The following ZNRF1 variants were observed in gnomAD, a reference collection of about 807,000 sequenced individuals.
The protein encoded by ZNRF1 is E3 ubiquitin-protein ligase ZNRF1.
A neutral mutation model predicts 18.4 loss-of-function variants in ZNRF1; 3 were observed. The ratio of observed to expected loss-of-function variants is 0.16; its 90% CI spans 0.07 to 0.42. The LOEUF is 0.42. ZNRF1 is among the 10% of genes least tolerant of loss of function. The probability of loss-of-function intolerance (pLI) is 0.99; values close to 1 mark genes in which losing one functional copy is unlikely to be tolerated. For synonymous variants in ZNRF1, 157 were observed against 144.2 expected, an observed-to-expected ratio of 1.09 and a Z score of -0.64; for missense variants, 310 against 329.8, an observed-to-expected ratio of 0.94 and a Z score of 0.47.
intron 1 of ZNRF1, among the ~76,000 whole-genome samples, chr16:75,019,816 T>C (rs1250800696): frequency 6.6e-6 from 1 of 152,008 alleles, no homozygotes; most frequent in African/African-American, 2.4e-5. Context: ...CCTCAAACTC[T>C]TGGACTCAAG....
At chr16:75,040,042 C>CTTTTTTTTTTTTTTTTTTTTTTTTTTTT (rs57122648) in intron 1 of ZNRF1, among the ~76,000 whole-genome samples, 2 of 78,890 alleles carry the variant, frequency 2.5e-5, no homozygotes, top group African/African-American at 1.1e-4. Flanking sequence ...TCTTTTCTTT[C>CTTTTTTTTTTTTTTTTTTTTTTTTTTTT]TTTTTTTTTT....
intron 2 of ZNRF1, chr16:75,095,745 G>A (rs770700765): frequency 1.6e-5 from 25 of 1,526,330 alleles, no homozygotes; most frequent in South Asian, 1.5e-4. Flanking sequence ...GTGGAGAACC[G>A]GGAAGGTGAG....
intron 1 of ZNRF1, among the ~76,000 whole-genome samples, chr16:75,038,275 G>A (rs749363597): frequency 8.5e-5 from 13 of 152,194 alleles, no homozygotes; most frequent in African/African-American, 1.2e-4. Context: ...GACTGGAATG[G>A]CTAAGATGGC....
At chr16:75,020,286 C>G (rs1420631049) in intron 1 of ZNRF1, among the ~76,000 whole-genome samples, 12 of 151,900 alleles carry the variant, frequency 7.9e-5, no homozygotes, top group African/African-American at 2.7e-4. Context: ...TCTCTATGTC[C>G]TAATGTCTTA....
At chr16:75,047,868 T>G (rs994502483) in intron 1 of ZNRF1, among the ~76,000 whole-genome samples, 3 of 152,134 alleles carry the variant, frequency 2.0e-5, no homozygotes, top group Non-Finnish European at 4.4e-5. Flanking sequence ...TTCTGAGGCC[T>G]CTTTCCTTGG....
intron 1 of ZNRF1, among the ~76,000 whole-genome samples, chr16:75,069,679 T>C (rs897022206): frequency 6.6e-6 from 1 of 152,226 alleles, no homozygotes; most frequent in African/African-American, 2.4e-5. Context: ...CCCAAAGTGC[T>C]GGGATTACAG....
chr16:75,048,992 T>C (rs2035553348), intron 1 of ZNRF1, among the ~76,000 whole-genome samples: 1 of 151,976 alleles, frequency 6.6e-6, no homozygotes, highest in Admixed American at 6.6e-5. Context: ...TTTTATTTGC[T>C]GGAATTTGGA....
At chr16:75,107,007 T>TA (rs1213286256) in intron 4 of ZNRF1, 1 of 187,636 alleles carries the variant, frequency 5.3e-6, no homozygotes, top group Non-Finnish European at 1.1e-5. Flanking sequence ...ACATTGCACT[T>TA]ACTAAACAGC....
chr16:75,058,871 T>C (rs995348098), intron 1 of ZNRF1, among the ~76,000 whole-genome samples: 1 of 152,168 alleles, frequency 6.6e-6, no homozygotes, highest in African/African-American at 2.4e-5. Context: ...GTGCCTTAGT[T>C]GAGAGTGTTT....
At chr16:75,085,565 G>C (rs981785708) in intron 1 of ZNRF1, among the ~76,000 whole-genome samples, 12 of 152,024 alleles carry the variant, frequency 7.9e-5, no homozygotes, top group African/African-American at 2.9e-4. Context: ...AATTTGCTTG[G>C]GTCACAGGCT....
At chr16:75,090,016 G>A (rs993392085) in intron 1 of ZNRF1, among the ~76,000 whole-genome samples, 1 of 152,194 alleles carries the variant, frequency 6.6e-6, no homozygotes, top group Non-Finnish European at 1.5e-5. Context: ...GGGCCTGGAG[G>A]CAGAAGGCCT....
intron 1 of ZNRF1, among the ~76,000 whole-genome samples, chr16:75,067,857 C>A (rs545521846): frequency 6.6e-6 from 1 of 152,136 alleles, no homozygotes; most frequent in African/African-American, 2.4e-5. Context: ...AAAATTAATA[C>A]GTCTCTTATC....
intron 1 of ZNRF1, among the ~76,000 whole-genome samples, chr16:75,027,635 A>G (rs1488908880): frequency 6.6e-6 from 1 of 152,108 alleles, no homozygotes; most frequent in Non-Finnish European, 1.5e-5. Context: ...CAGTCATTAT[A>G]ATGACTGCCT....
chr16:75,099,235 GGT>G (rs2036230525), intron 2 of ZNRF1, among the ~76,000 whole-genome samples: 1 of 152,166 alleles, frequency 6.6e-6, no homozygotes, highest in East Asian at 1.9e-4. Context: ...TAGGAGTCAT[GGT>G]GTGTGTGTCT....
At chr16:75,025,496 G>T (rs1326881940) in intron 1 of ZNRF1, among the ~76,000 whole-genome samples, 1 of 152,016 alleles carries the variant, frequency 6.6e-6, no homozygotes, top group Non-Finnish European at 1.5e-5. Flanking sequence ...TACCTGTTTA[G>T]CTCTTTGTTA....
intron 1 of ZNRF1, among the ~76,000 whole-genome samples, chr16:75,006,731 T>C (rs2034923190): frequency 6.6e-6 from 1 of 152,214 alleles, no homozygotes; most frequent in African/African-American, 2.4e-5. Flanking sequence ...CTACCGTGCC[T>C]GGCCACCTCA....
chr16:75,094,106 T>G (rs570773370), intron 2 of ZNRF1, among the ~76,000 whole-genome samples: 1 of 152,264 alleles, frequency 6.6e-6, no homozygotes, highest in East Asian at 1.9e-4. Flanking sequence ...GTGGCATGCA[T>G]AGAGTGCTGG....
In ZNRF1 at chr16:75,107,904, A is replaced by G. The variant is rs2036337088; in HGVS notation, c.*204A>G. 2 of 425,404 alleles carry G rather than the reference A, an allele frequency of 4.7e-6. No individual in the cohort carries two copies. The highest frequency in any genetic ancestry group is 2.0e-5 in the African/African-American group (1 of 49,454). 26.4% of individuals were successfully genotyped at this position (425,404 alleles called of 1,614,324 possible). On this transcript the variant is annotated 3_prime_UTR_variant, in exon 5 of 5. Coordinates refer to ENST00000335325, the MANE Select transcript of ZNRF1 (RefSeq NM_032268.5). ...GAGAGCAAGTTTGAGAGAAGAATGA[A>G]TCAACTGCTATCCTTCCCCTCACCC...
At chr16:75,059,243 T>C (rs201067476) in intron 1 of ZNRF1, among the ~76,000 whole-genome samples, 18,273 of 84,884 alleles carry the variant, frequency 0.22, 1,131 homozygotes, top group East Asian at 0.44. Flanking sequence ...TTTTTTTTTT[T>C]TCTTTTTTTT....
Sources: allele counts gnomAD v4.1 joint callset (sites outside exome capture counted in the v4.1 genomes callset), GRCh38; gene constraint gnomAD v4.1.1; transcripts MANE v1.5; gene names NCBI Gene and HGNC (gene_info 2026-07-23, HGNC 2026-07-21).